Variants in EXOC6 observed in about 807,000 individuals in gnomAD.
EXOC6 encodes exocyst complex component 6.
EXOC6 carries 60 observed loss-of-function variants against 112.5 expected under a neutral mutation model. The ratio of observed to expected loss-of-function variants is 0.53; its 90% confidence interval spans 0.43 to 0.66. The LOEUF (loss-of-function observed/expected upper bound fraction) is 0.66, where lower values mean the gene tolerates loss of function less well. Ranked by LOEUF, EXOC6 falls within the 30% of genes least tolerant of loss-of-function variation. The probability of loss-of-function intolerance (pLI) is 0.00; values close to 1 mark genes in which losing one functional copy is unlikely to be tolerated. For synonymous variants in EXOC6, 295 were observed against 308.0 expected, an observed-to-expected ratio of 0.96 and a Z score of 0.44; for missense variants, 855 against 957.1, an observed-to-expected ratio of 0.89 and a Z score of 1.41.
At chr10:92,915,065 G>T (rs529190943) in intron 6 of EXOC6, among the ~76,000 whole-genome samples, 2 of 152,172 alleles carry the variant, frequency 1.3e-5, no homozygotes, top group Non-Finnish European at 2.9e-5. Context: ...TTCACAAACT[G>T]TGGGCATTTT....
At chr10:93,000,751 A>G (rs1843723689) in intron 19 of EXOC6, among the ~76,000 whole-genome samples, 1 of 152,164 alleles carries the variant, frequency 6.6e-6, no homozygotes, top group South Asian at 2.1e-4. Context: ...AAAAAAATTG[A>G]TTAAAAATTT....
chr10:93,029,228 A>G (rs916739606), intron 20 of EXOC6, among the ~76,000 whole-genome samples: 12 of 152,184 alleles, frequency 7.9e-5, no homozygotes, highest in African/African-American at 2.7e-4. Context: ...CAGACATGCT[A>G]TTGCACACTT....
At chr10:93,012,642 G>T (rs1004706220) in intron 19 of EXOC6, among the ~76,000 whole-genome samples, 15 of 152,106 alleles carry the variant, frequency 9.9e-5, no homozygotes, top group Non-Finnish European at 1.9e-4. Context: ...ATTTCACACA[G>T]AATACACTAA....
intron 5 of EXOC6, among the ~76,000 whole-genome samples, chr10:92,904,977 G>C (rs1850364239): frequency 6.6e-6 from 1 of 152,018 alleles, no homozygotes; most frequent in Non-Finnish European, 1.5e-5. Context: ...TATAAAAAGT[G>C]AAGGTCACTG....
rs534602483 is a variant in EXOC6, at chr10:93,055,407, A to T, written c.2170-1517A>T. 1.8e-4 allele frequency among the ~76,000 whole-genome samples: 28 copies of T among 152,256 alleles called. No homozygotes were observed. The South Asian group carries it at 4.8e-3, about 26-fold the overall frequency. ...TTGAGATTAATATCTTTGTGCATAA[A>T]TTTTTTTCTGTTTCTCGAAGTTGCA... On this transcript the variant is annotated intron_variant, in intron 20 of 21. Transcript: ENST00000260762.
At chr10:92,852,924 T>G (rs1273700525) in intron 1 of EXOC6, among the ~76,000 whole-genome samples, 9 of 152,064 alleles carry the variant, frequency 5.9e-5, no homozygotes, top group Admixed American at 5.9e-4. Context: ...GCCGGTATAA[T>G]AAGACCATTT....
intron 11 of EXOC6, among the ~76,000 whole-genome samples, chr10:92,935,398 T>A (rs574464935): frequency 6.6e-6 from 1 of 152,190 alleles, no homozygotes; most frequent in Admixed American, 6.5e-5. Context: ...TCACTGTCCC[T>A]TTGAAATTAA....
intron 5 of EXOC6, among the ~76,000 whole-genome samples, chr10:92,905,748 T>A (rs1397567161): frequency 6.6e-6 from 1 of 152,044 alleles, no homozygotes; most frequent in Non-Finnish European, 1.5e-5. Flanking sequence ...TTAAGGCATG[T>A]TTTGTGGCCC....
intron 14 of EXOC6, among the ~76,000 whole-genome samples, chr10:92,949,272 A>G (rs1250577766): frequency 6.6e-6 from 1 of 151,852 alleles, no homozygotes; most frequent in Non-Finnish European, 1.5e-5. Flanking sequence ...ATTTTTATAC[A>G]TAAACTAAGC....
intron 18 of EXOC6, among the ~76,000 whole-genome samples, chr10:92,977,451 G>C (rs77278337): frequency 8.4e-4 from 127 of 152,094 alleles, no homozygotes; most frequent in African/African-American, 3.0e-3. Context: ...GGATGATACT[G>C]TATTCCTACC....
intron 1 of EXOC6, among the ~76,000 whole-genome samples, chr10:92,835,934 C>T (rs1846643580): frequency 6.6e-6 from 1 of 152,174 alleles, no homozygotes; most frequent in Non-Finnish European, 1.5e-5. Context: ...GAAATCAGAG[C>T]TTTGTAGCAA....
chr10:93,002,143 C>A (rs116729514), intron 19 of EXOC6, among the ~76,000 whole-genome samples: 1 of 152,078 alleles, frequency 6.6e-6, no homozygotes, highest in Non-Finnish European at 1.5e-5. Context: ...TTCCTCCCCC[C>A]CTTTTTTGGT....
At position 92,965,810 on chromosome 10, in the gene EXOC6, A is replaced by T. The variant is rs151114362; in HGVS notation, c.1774-8243A>T. On this transcript the variant is annotated intron_variant, in intron 17 of 21. Transcript: ENST00000260762. ...ATGCAGCTATAAAGATCAGACACATATGTTTTCTAATGATTATATTTGTCT... is the reference window on the plus strand; with the variant it reads ...ATGCAGCTATAAAGATCAGACACATTTGTTTTCTAATGATTATATTTGTCT... Among the ~76,000 whole-genome samples, 78 of 152,266 alleles carry T rather than the reference A, an allele frequency of 5.1e-4. No individual in the cohort carries two copies. The East Asian group carries it at 0.015, about 29-fold the overall frequency.
chr10:93,019,299 C>G (rs926577305), intron 20 of EXOC6, among the ~76,000 whole-genome samples: 6 of 152,038 alleles, frequency 3.9e-5, no homozygotes, highest in African/African-American at 1.4e-4. Context: ...TTTTTGTTGA[C>G]TTTTTATTTA....
intron 20 of EXOC6, among the ~76,000 whole-genome samples, chr10:93,029,676 G>A (rs1225293538): frequency 6.6e-6 from 1 of 152,086 alleles, no homozygotes; most frequent in Non-Finnish European, 1.5e-5. Flanking sequence ...TTCTTTTAAT[G>A]TCCTGTTTAA....
chr10:92,958,006 T>C (rs992446168), intron 17 of EXOC6, among the ~76,000 whole-genome samples: 1 of 152,204 alleles, frequency 6.6e-6, no homozygotes, highest in African/African-American at 2.4e-5. Flanking sequence ...ACTTGATACC[T>C]ATACCTCCAT....
intron 8 of EXOC6, among the ~76,000 whole-genome samples, chr10:92,925,385 C>T (rs1222890669): frequency 6.6e-6 from 1 of 151,956 alleles, no homozygotes; most frequent in Admixed American, 6.6e-5. Flanking sequence ...ACCTCTGCCT[C>T]CCAGGTTCAA....
rs1846637034 is a variant in EXOC6, at chr10:93,058,247, C to G, written c.2307C>G (p.Asn769Lys). ...LEKMKDTSKKNNIFAQFRKND... is the reference protein window; with the variant it reads ...LEKMKDTSKKKNIFAQFRKND... ...GGATGAAGGATACTAGCAAAAAGAACAATATATTTGCTCAGTTCAGGAAGA... is the reference window on the plus strand; with the variant it reads ...GGATGAAGGATACTAGCAAAAAGAAGAATATATTTGCTCAGTTCAGGAAGA... Residue 769 changes from asparagine (N) to lysine (K), a missense_variant, in exon 22 of 22, where the codon AAC becomes AAG. This residue lies in a region of EXOC6 where 450 missense variants were observed against 563.5 expected (regional missense o/e 0.80). Transcript: ENST00000260762. 1 of 1,605,826 alleles carries G rather than the reference C, an allele frequency of 6.2e-7. No individual in the cohort carries two copies. Among genetic ancestry groups the G allele is most frequent in the Non-Finnish European group, 8.5e-7 (1 of 1,178,120 alleles).
chr10:92,905,439 A>T (rs1850389143), intron 5 of EXOC6, among the ~76,000 whole-genome samples: 1 of 151,852 alleles, frequency 6.6e-6, no homozygotes, highest in Admixed American at 6.6e-5. Flanking sequence ...ATTTATATAG[A>T]TTTTCTTTAA....
Sources: allele counts gnomAD v4.1 joint callset (sites outside exome capture counted in the v4.1 genomes callset), GRCh38; gene constraint gnomAD v4.1.1; regional missense constraint gnomAD v4.1.1; transcripts MANE v1.5; gene names NCBI Gene and HGNC (gene_info 2026-07-23, HGNC 2026-07-21).